Variants in LEKR1 observed in about 807,000 individuals in gnomAD.
The protein encoded by LEKR1 is leucine, glutamate and lysine rich 1.
Under a neutral mutation model 72.4 loss-of-function variants are expected in LEKR1, and 59 were observed. The ratio of observed to expected loss-of-function variants is 0.82; its 90% CI spans 0.66 to 1.01. LEKR1 has a LOEUF of 1.01. Ranked by LOEUF, LEKR1 falls within the 50% of genes least tolerant of loss-of-function variation. The probability of loss-of-function intolerance (pLI) is 0.00; values close to 1 mark genes in which losing one functional copy is unlikely to be tolerated. For missense variants in LEKR1, 728 were observed against 759.2 expected (o/e 0.96, Z 0.48); for synonymous variants, 257 against 263.2 (o/e 0.98, Z 0.23).
chr3:157,044,889 T>C (rs754930490), intron 12 of LEKR1, among the ~76,000 whole-genome samples: 1 of 152,216 alleles, frequency 6.6e-6, no homozygotes, highest in Admixed American at 6.5e-5. Flanking sequence ...CCTGTTTATG[T>C]TATTATAGTA....
intron 10 of LEKR1, chr3:157,017,806 G>T (rs9818123): frequency 2.0e-5 from 3 of 151,532 alleles, no homozygotes; most frequent in Non-Finnish European, 4.4e-5. Flanking sequence ...AAAATTAGCC[G>T]GGCATGGTGG....
At chr3:156,949,858 C>A (rs772373978) in intron 6 of LEKR1, among the ~76,000 whole-genome samples, 19 of 151,162 alleles carry the variant, frequency 1.3e-4, no homozygotes, top group Non-Finnish European at 1.9e-4. Flanking sequence ...ATTTTAATAT[C>A]TTTGTCAGAT....
chr3:156,866,016 T>C (rs956688898), intron 3 of LEKR1, among the ~76,000 whole-genome samples: 36 of 152,090 alleles, frequency 2.4e-4, no homozygotes, highest in African/African-American at 8.0e-4. Context: ...TTTGCATTCC[T>C]GGCTAAGTTC....
chr3:156,971,642 A>C (rs1362670109), intron 6 of LEKR1, among the ~76,000 whole-genome samples: 2 of 152,192 alleles, frequency 1.3e-5, no homozygotes, highest in Non-Finnish European at 2.9e-5. Flanking sequence ...ACAAATTTAC[A>C]AGAAAAAAAC....
At chr3:157,029,025 T>A (rs538611402) in intron 12 of LEKR1, among the ~76,000 whole-genome samples, 2 of 152,206 alleles carry the variant, frequency 1.3e-5, no homozygotes, top group Non-Finnish European at 2.9e-5. Context: ...TCTCTAATCA[T>A]CAATATCATA....
At chr3:156,926,341 T>C (rs1724714314) in intron 4 of LEKR1, among the ~76,000 whole-genome samples, 1 of 152,026 alleles carries the variant, frequency 6.6e-6, no homozygotes, top group Non-Finnish European at 1.5e-5. Flanking sequence ...TTTCCCCAAA[T>C]TGGACAATGC....
At chr3:156,970,565 A>G (rs1729074496) in intron 6 of LEKR1, among the ~76,000 whole-genome samples, 1 of 152,216 alleles carries the variant, frequency 6.6e-6, no homozygotes, top group Admixed American at 6.5e-5. Flanking sequence ...CCGTGTTTGC[A>G]GATGACATGA....
At chr3:157,004,147 A>G (rs1039334924) in intron 9 of LEKR1, among the ~76,000 whole-genome samples, 1 of 152,184 alleles carries the variant, frequency 6.6e-6, no homozygotes, top group African/African-American at 2.4e-5. Flanking sequence ...ATGGGAAAAG[A>G]CATAACACAC....
intron 3 of LEKR1, among the ~76,000 whole-genome samples, chr3:156,854,628 C>A (rs1024716632): frequency 9.2e-5 from 14 of 151,408 alleles, no homozygotes; most frequent in African/African-American, 3.4e-4. Flanking sequence ...GTAGCCTTGA[C>A]CTTCCGGACT....
At chr3:157,017,948 C>CAAAAAAAAAAAAAAAAAAAAAAAA (rs58950224) in intron 10 of LEKR1, among the ~76,000 whole-genome samples, 8 of 82,972 alleles carry the variant, frequency 9.6e-5, no homozygotes, top group African/African-American at 5.8e-4. Context: ...GACTCTGTCT[C>CAAAAAAAAAAAAAAAAAAAAAAAA]AAAAAAAAAA....
intron 9 of LEKR1, among the ~76,000 whole-genome samples, chr3:156,993,483 A>C (rs1731303700): frequency 6.6e-6 from 1 of 151,938 alleles, no homozygotes; most frequent in Non-Finnish European, 1.5e-5. Flanking sequence ...GACTTGGTAA[A>C]GTTGCAGTTG....
chr3:156,962,812 CTA>C (rs1360531091), intron 6 of LEKR1, among the ~76,000 whole-genome samples: 5 of 152,132 alleles, frequency 3.3e-5, no homozygotes, highest in African/African-American at 1.2e-4. Flanking sequence ...GGTTCATTCT[CTA>C]GTCATTTTTC....
intron 6 of LEKR1, among the ~76,000 whole-genome samples, chr3:156,950,686 T>C (rs921517245): frequency 1.3e-5 from 2 of 151,480 alleles, no homozygotes; most frequent in Non-Finnish European, 3.0e-5. Flanking sequence ...TGTTGGTGTA[T>C]AGGAATGCTA....
intron 10 of LEKR1, among the ~76,000 whole-genome samples, chr3:157,018,561 C>A (rs1458308733): frequency 6.6e-6 from 1 of 152,072 alleles, no homozygotes; most frequent in Non-Finnish European, 1.5e-5. Flanking sequence ...TAAATAAATA[C>A]CAAGACCACG....
At chr3:156,842,222 A>G (rs1408958501) in intron 2 of LEKR1, among the ~76,000 whole-genome samples, 1 of 152,142 alleles carries the variant, frequency 6.6e-6, no homozygotes, top group Non-Finnish European at 1.5e-5. Context: ...GATTAGAACC[A>G]TTTCATTTTA....
At chr3:156,953,236 T>A (rs574733812) in intron 6 of LEKR1, among the ~76,000 whole-genome samples, 111 of 151,596 alleles carry the variant, frequency 7.3e-4, no homozygotes, top group East Asian at 1.9e-3. Flanking sequence ...TAGAGCATTC[T>A]CATATATCAC....
chr3:156,996,090 A>T (rs1200521963), intron 9 of LEKR1, among the ~76,000 whole-genome samples: 1 of 152,098 alleles, frequency 6.6e-6, no homozygotes, highest in Non-Finnish European at 1.5e-5. Flanking sequence ...GGCATTTATT[A>T]TATGCCAGGT....
At chr3:156,969,628 G>T (rs1050623850) in intron 6 of LEKR1, among the ~76,000 whole-genome samples, 12 of 151,962 alleles carry the variant, frequency 7.9e-5, no homozygotes, top group African/African-American at 2.9e-4. Context: ...GGGCAATAAT[G>T]AATAGCTTAC....
chr3:157,045,052 C>T (rs1173301125), intron 12 of LEKR1, among the ~76,000 whole-genome samples: 1 of 152,196 alleles, frequency 6.6e-6, no homozygotes, highest in Non-Finnish European at 1.5e-5. Context: ...ACTCCAGCCG[C>T]ACCACTAACA....
Sources: allele counts gnomAD v4.1 joint callset (sites outside exome capture counted in the v4.1 genomes callset), GRCh38; gene constraint gnomAD v4.1.1; transcripts MANE v1.5; gene names NCBI Gene and HGNC (gene_info 2026-07-23, HGNC 2026-07-21).